The following ACOX3 variants were observed in gnomAD, a reference collection of about 807,000 sequenced individuals.
ACOX3 encodes peroxisomal acyl-coenzyme A oxidase 3.
A neutral mutation model predicts 81.5 loss-of-function variants in ACOX3; 73 were observed. That is an observed-to-expected ratio of 0.90 (90% CI 0.74 to 1.09). The LOEUF (loss-of-function observed/expected upper bound fraction) is 1.09. Ranked by LOEUF, ACOX3 falls within the 50% of genes least tolerant of loss-of-function variation. The pLI, the probability that ACOX3 is intolerant of heterozygous loss-of-function variation, is 0.00. For synonymous variants in ACOX3, 387 were observed against 375.1 expected (o/e 1.03, Z -0.37); for missense variants, 947 against 928.0 (o/e 1.02, Z -0.27).
the ACOX3 span, chr4:8,356,852 G>A: frequency 8.8e-6 from 4 of 456,374 alleles, no homozygotes; most frequent in Admixed American, 4.7e-5. Flanking sequence ...AAAGTGTGCA[G>A]AACGGTGCAC....
Position 8,407,888 on chromosome 4 carries a change from C to A in ACOX3, c.688-1845G>T, listed in dbSNP as rs566677321. 6.6e-6 allele frequency among the ~76,000 whole-genome samples: 1 copy of A among 152,196 alleles called. No individual in the cohort carries two copies. The highest frequency in any genetic ancestry group is 2.4e-5 in the African/African-American group (1 of 41,448). ...CCTTCCCCTTCCCCACCAGGGGACACGGGTGGTGTCTGGAGAGATTCTGGT... is the reference window on the plus strand; with the variant it reads ...CCTTCCCCTTCCCCACCAGGGGACAAGGGTGGTGTCTGGAGAGATTCTGGT... On this transcript the variant is annotated intron_variant, in intron 6 of 17. Transcript: ENST00000356406. The surrounding 1 kb of genome is among the most constrained non-coding windows in gnomAD (Gnocchi z 4.6).
At chr4:8,421,229 T>C (rs567420678) in intron 1 of ACOX3, among the ~76,000 whole-genome samples, 29 of 152,234 alleles carry the variant, frequency 1.9e-4, no homozygotes, top group Non-Finnish European at 1.3e-4. Context: ...AGGAAAATAC[T>C]GGGCACCTGT....
chr4:8,383,614 G>A (rs1421377754), intron 13 of ACOX3, among the ~76,000 whole-genome samples: 1 of 152,188 alleles, frequency 6.6e-6, no homozygotes, highest in African/African-American at 2.4e-5. Context: ...CCTGACTTGG[G>A]GTTTCTGCCT....
intron 13 of ACOX3, among the ~76,000 whole-genome samples, chr4:8,383,984 C>T (rs1003144865): frequency 1.3e-5 from 2 of 152,202 alleles, no homozygotes; most frequent in African/African-American, 2.4e-5. Flanking sequence ...CAGAGGCCCC[C>T]GTGTCCCACC....
Position 8,405,224 on chromosome 4 carries a change from C to G in ACOX3, c.776+731G>C, listed in dbSNP as rs150756197. On this transcript the variant is annotated intron_variant, in intron 7 of 17. Transcript: ENST00000356406. The surrounding 1 kb of genome is among the most constrained non-coding windows in gnomAD (Gnocchi z 7.1). Reference sequence around the variant, plus strand: ...CCCTTGCGGCCTGGCCTCCCTACCCCGCCTGCATCCCAGCACAGGCCTGGG... The same window carrying G: ...CCCTTGCGGCCTGGCCTCCCTACCCGGCCTGCATCCCAGCACAGGCCTGGG... Among the ~76,000 whole-genome samples the G allele has an allele frequency of 2.4e-4, 36 of 152,220 alleles. No individual in the cohort carries two copies. The highest frequency in any genetic ancestry group is 4.4e-4 in the Non-Finnish European group (30 of 68,030).
rs141433747 is a variant in ACOX3 at position 8,415,893 on chromosome 4, C to T, written c.251G>A (p.Arg84Gln). ...YRELNFLRCK[R>Q]IFEYDFLSVE... ...ACTGAGGAAGTCATACTCGAAGATC[C>T]GCTTGCATCGAAGGAAGTTCAGCTC... is the stretch of plus-strand genomic sequence containing the variant. The change falls in exon 3 of 18, where the codon CGG becomes CAG. Residue 84 changes from arginine to glutamine, a missense_variant. Physicochemically the swap from Arg to Gln is conservative, Grantham distance 43. Transcript: ENST00000356406. The T allele has an allele frequency of 3.0e-4, 485 of 1,614,178 alleles. 1 individual carries two copies. In the African/African-American group the frequency reaches 5.2e-3, roughly 17 times the overall value.
intron 5 of ACOX3, among the ~76,000 whole-genome samples, chr4:8,411,210 G>A (rs1721686628): frequency 6.6e-6 from 1 of 152,238 alleles, no homozygotes; most frequent in African/African-American, 2.4e-5. Flanking sequence ...GCTGCCCTGG[G>A]CCGCCTCGGG....
intron 8 of ACOX3, among the ~76,000 whole-genome samples, 196 bp from the exon 9 acceptor site, chr4:8,397,315 T>C (rs567861690): frequency 4.6e-5 from 7 of 152,128 alleles, no homozygotes; most frequent in African/African-American, 1.4e-4. Context: ...GAACCGTGGA[T>C]GGAATGGGGG....
chr4:8,380,565 G>T (rs1717511126), intron 14 of ACOX3, among the ~76,000 whole-genome samples: 2 of 152,154 alleles, frequency 1.3e-5, no homozygotes. Context: ...GGTGTGTCTA[G>T]CAGGTTCCTA....
rs2245515 is a variant in ACOX3 at position 8,414,255 on chromosome 4, C to G, written c.543+37G>C. The G allele has an allele frequency of 1.3e-6, 2 of 1,571,026 alleles. No homozygotes were observed. Among genetic ancestry groups the G allele is most frequent in the East Asian group, 4.5e-5 (2 of 44,618 alleles). On this transcript the variant is annotated intron_variant, in intron 5 of 17. Transcript: ENST00000356406. The surrounding 1 kb of genome is among the most constrained non-coding windows in gnomAD (Gnocchi z 6.1). Reference sequence around the variant, plus strand: ...ATTTGCACTCATGACGTCTCATATGCTCCAAACTCAGGGACCCGGGGGAAG... The same window carrying G: ...ATTTGCACTCATGACGTCTCATATGGTCCAAACTCAGGGACCCGGGGGAAG...
At position 8,389,099 on chromosome 4, in the gene ACOX3, G is replaced by A. The variant is rs895552345; in HGVS notation, c.1537+74C>T. ...TGGAACTGCCAAGGGTCCCCTCACC[G>A]AGGCACGGTGCGTTTCCTGGTGGGA... On this transcript the variant is annotated intron_variant, in intron 13 of 17. Transcript: ENST00000356406. This position sits in a 1 kb window ranked among gnomAD's most constrained non-coding sequence, Gnocchi z 5.3. 5.4e-6 allele frequency: 7 copies of A among 1,306,008 alleles called. No individual in the cohort carries two copies. The African/African-American group carries it at 5.8e-5, about 11-fold the overall frequency. 80.9% of individuals were successfully genotyped at this position (1,306,008 alleles called of 1,614,324 possible). A position where few individuals can be genotyped will look rare whatever the true frequency, so the allele number is the denominator to read the frequency against.
intron 5 of ACOX3, 149 bp from the exon 6 acceptor site, chr4:8,410,504 C>G: frequency 9.5e-7 from 1 of 1,057,520 alleles, no homozygotes; most frequent in Non-Finnish European, 1.3e-6. Context: ...TCTTGTATGG[C>G]ACAGGCAGGC....
chr4:8,414,305 T>C lies in ACOX3; in HGVS notation c.530A>G (p.Asp177Gly), dbSNP rs751153963. 4 of 1,613,982 alleles carry C rather than the reference T, an allele frequency of 2.5e-6. No individual in the cohort carries two copies. In the South Asian group the frequency reaches 4.4e-5, roughly 18 times the overall value. Residue 177 changes from aspartate (D) to glycine (G), a missense_variant, in exon 5 of 18, where the codon GAT (aspartate) becomes GGT (glycine). Physicochemically the swap from Asp to Gly is moderately conservative, Grantham distance 94. Transcript: ENST00000356406. This position sits in a 1 kb window ranked among gnomAD's most constrained non-coding sequence, Gnocchi z 6.1. ...TKAIRTTAHYDPATEEFIIHS... is the reference protein window; with the variant it reads ...TKAIRTTAHYGPATEEFIIHS... The stretch of plus-strand genomic sequence containing the variant: ...GGTAATACCTACCTCAGTGGCAGGA[T>C]CGTAGTGGGCAGTTGTGCGAATGGC...
chr4:8,397,630 C>G (rs1000356628), intron 8 of ACOX3, among the ~76,000 whole-genome samples: 1 of 152,214 alleles, frequency 6.6e-6, no homozygotes, highest in Admixed American at 6.5e-5. Flanking sequence ...ACTATCTCCT[C>G]GCACGCATCA....
intron 6 of ACOX3, among the ~76,000 whole-genome samples, chr4:8,408,864 G>A (rs1316667074): frequency 7.2e-6 from 1 of 138,134 alleles, no homozygotes; most frequent in East Asian, 2.5e-4. Context: ...AAGGGTTGGG[G>A]AGCTTCTTGT....
chr4:8,407,368 T>C lies in ACOX3; in HGVS notation c.688-1325A>G, dbSNP rs1192281826. Among the ~76,000 whole-genome samples the C allele has an allele frequency of 2.0e-5, 3 of 152,236 alleles. No homozygotes were observed. The highest frequency in any genetic ancestry group is 1.9e-4 in the East Asian group (1 of 5,194). On this transcript the variant is annotated intron_variant, in intron 6 of 17. Transcript: ENST00000356406. The surrounding 1 kb of genome is among the most constrained non-coding windows in gnomAD (Gnocchi z 4.6). Reference sequence around the variant, plus strand: ...TGGAACAGCTCGTGTCCTCAGTCTCTTGCCTCGGCACCTGGGTGGCTTGCC... The same window carrying C: ...TGGAACAGCTCGTGTCCTCAGTCTCCTGCCTCGGCACCTGGGTGGCTTGCC...
chr4:8,416,148 T>A lies in ACOX3; in HGVS notation c.145-149A>T, dbSNP rs189795025. The stretch of plus-strand genomic sequence containing the variant: ...ACAGAGATATGACTATCATTCCCAA[T>A]GGACTAGAGGACTGGAGGCTTAAGA... On this transcript the variant is annotated intron_variant, in intron 2 of 17. Coordinates refer to ENST00000356406, the MANE Select transcript of ACOX3 (RefSeq NM_003501.3). This position sits in a 1 kb window ranked among gnomAD's most constrained non-coding sequence, Gnocchi z 4.2. 9.1e-6 allele frequency: 9 copies of A among 993,230 alleles called. No homozygotes were observed. The highest frequency in any genetic ancestry group is 2.4e-4 in the Middle Eastern group (1 of 4,140). 61.5% of individuals were successfully genotyped at this position (993,230 alleles called of 1,614,324 possible).
chr4:8,382,101 G>A lies in ACOX3; in HGVS notation c.1538-494C>T, dbSNP rs941375404. On this transcript the variant is annotated intron_variant, in intron 13 of 17. Transcript: ENST00000356406. This position sits in a 1 kb window ranked among gnomAD's most constrained non-coding sequence, Gnocchi z 4.1. Reference sequence around the variant, plus strand: ...GGCCCTTGGACCTCACCGCATGCTGGAGCTGTGGAACTGGGGACTGACATG... The same window carrying A: ...GGCCCTTGGACCTCACCGCATGCTGAAGCTGTGGAACTGGGGACTGACATG... Among the ~76,000 whole-genome samples the A allele has an allele frequency of 2.6e-5, 4 of 152,198 alleles. No homozygotes were observed. The highest frequency in any genetic ancestry group is 4.4e-5 in the Non-Finnish European group (3 of 68,026).
At chr4:8,365,767 T>C (rs771432867), downstream of ACOX3, among the ~76,000 whole-genome samples, 15 of 152,202 alleles carry the variant, frequency 9.9e-5, no homozygotes, top group Non-Finnish European at 2.1e-4. Context: ...GGTGGTGTCC[T>C]GACCCTTTTC....
Sources: allele counts gnomAD v4.1 joint callset (sites outside exome capture counted in the v4.1 genomes callset), GRCh38; gene constraint gnomAD v4.1.1; non-coding constraint Gnocchi (gnomAD v3.1); transcripts MANE v1.5; gene names NCBI Gene and HGNC (gene_info 2026-07-23, HGNC 2026-07-21).